Variants in CTNNA2 observed in about 807,000 individuals in gnomAD.
CTNNA2 encodes the protein catenin alpha-2.
A neutral mutation model predicts 101.0 loss-of-function variants in CTNNA2; 42 were observed. That is an observed-to-expected ratio of 0.42 (90% confidence interval 0.32 to 0.54). The LOEUF is 0.54. Among genes scored for constraint, CTNNA2 ranks in the 20% least tolerant of loss-of-function variants. The pLI is 0.14. For synonymous variants in CTNNA2, 450 were observed against 456.4 expected (o/e 0.99, Z 0.18); for missense variants, 871 against 1,223.1 (o/e 0.71, Z 4.29).
At chr2:80,521,593 T>C (rs566397601) in intron 9 of CTNNA2, among the ~76,000 whole-genome samples, 4 of 152,016 alleles carry the variant, frequency 2.6e-5, no homozygotes, top group African/African-American at 7.2e-5. Flanking sequence ...AGAGTTAGAG[T>C]GATGCAAGGA....
chr2:79,743,484 C>A (rs1671435056), intron 2 of CTNNA2, among the ~76,000 whole-genome samples: 1 of 151,582 alleles, frequency 6.6e-6, no homozygotes, highest in Admixed American at 6.6e-5. Flanking sequence ...AACATTGAGT[C>A]TGAATCATTT....
intron 1 of CTNNA2, among the ~76,000 whole-genome samples, chr2:79,531,538 C>T (rs1672743044): frequency 6.6e-6 from 1 of 151,936 alleles, no homozygotes; most frequent in Non-Finnish European, 1.5e-5. Context: ...TGTTTTATGC[C>T]TGCAATAATA....
intron 7 of CTNNA2, among the ~76,000 whole-genome samples, chr2:80,372,230 G>C (rs924880824): frequency 4.6e-5 from 7 of 152,068 alleles, no homozygotes; most frequent in Admixed American, 4.6e-4. Context: ...ATGACTATAG[G>C]ATGGATGCTG....
At chr2:79,996,002 T>G (rs1249248081) in intron 7 of CTNNA2, among the ~76,000 whole-genome samples, 1 of 152,178 alleles carries the variant, frequency 6.6e-6, no homozygotes, top group African/African-American at 2.4e-5. Flanking sequence ...GATTTCTCTT[T>G]TGCAGGCTTA....
intron 1 of CTNNA2, among the ~76,000 whole-genome samples, chr2:79,529,331 CT>C (rs1558702184): frequency 6.6e-6 from 1 of 152,162 alleles, no homozygotes; most frequent in Non-Finnish European, 1.5e-5. Context: ...TATCACATGT[CT>C]TCTTGTGCGA....
chr2:80,276,399 T>C (rs1389186081), intron 7 of CTNNA2, among the ~76,000 whole-genome samples: 1 of 152,208 alleles, frequency 6.6e-6, no homozygotes, highest in Non-Finnish European at 1.5e-5. Flanking sequence ...CTCAATAGTA[T>C]GGACTGTAAC....
At chr2:80,140,032 CTT>C (rs1702913627) in intron 7 of CTNNA2, among the ~76,000 whole-genome samples, 1 of 152,124 alleles carries the variant, frequency 6.6e-6, no homozygotes, top group Non-Finnish European at 1.5e-5. Flanking sequence ...GAACTAGAAT[CTT>C]TACATTTAAG....
At chr2:79,524,678 G>A (rs949879030) in intron 1 of CTNNA2, 4 of 151,832 alleles carry the variant, frequency 2.6e-5, no homozygotes, top group Non-Finnish European at 5.9e-5. Context: ...ATGAGACACT[G>A]TTCAGATTGG....
At chr2:79,280,656 T>TGTGTGTGTGTGAGAGA (rs1337075035) in intron 2 of CTNNA2, among the ~76,000 whole-genome samples, 8 of 96,748 alleles carry the variant, frequency 8.3e-5, no homozygotes, top group African/African-American at 1.7e-4. Context: ...TGTGTGTGTG[T>TGTGTGTGTGTGAGAGA]AAGAGAAAGA....
At position 80,408,796 on chromosome 2, in the gene CTNNA2, G is replaced by A. The variant is rs536649974; in HGVS notation, c.1138-10653G>A. 4.6e-5 allele frequency among the ~76,000 whole-genome samples: 7 copies of A among 152,268 alleles called. No individual in the cohort carries two copies. In the South Asian group the frequency reaches 1.4e-3, roughly 32 times the overall value. ...CAGTTAGGATTTGTGAACTTCAACA[G>A]CCAGGTCCATAAACACATAGATCTT... On this transcript the variant is annotated intron_variant, in intron 8 of 18. Coordinates refer to ENST00000402739, the MANE Select transcript of CTNNA2 (RefSeq NM_001282597.3).
At chr2:79,806,247 T>G (rs185891520) in intron 3 of CTNNA2, among the ~76,000 whole-genome samples, 501 of 152,146 alleles carry the variant, frequency 3.3e-3, no homozygotes, top group Middle Eastern at 0.02. Context: ...ATAGACATTT[T>G]ATAGTTACCA....
intron 2 of CTNNA2, among the ~76,000 whole-genome samples, chr2:79,288,056 C>T (rs1675668486): frequency 6.6e-6 from 1 of 152,222 alleles, no homozygotes; most frequent in South Asian, 2.1e-4. Context: ...AAGGGAACTC[C>T]CTGACCCCTT....
chr2:79,389,502 T>G (rs1678143016), intron 4 of CTNNA2, among the ~76,000 whole-genome samples: 1 of 152,204 alleles, frequency 6.6e-6, no homozygotes, highest in Non-Finnish European at 1.5e-5. Context: ...AATTTAAAAA[T>G]ATTTGTGCCG....
intron 9 of CTNNA2, among the ~76,000 whole-genome samples, chr2:80,467,381 T>C (rs543940597): frequency 6.6e-6 from 1 of 152,218 alleles, no homozygotes; most frequent in Non-Finnish European, 1.5e-5. Context: ...CTTTCAATAA[T>C]GTACCAGTCT....
chr2:80,037,662 G>A (rs931709881), intron 7 of CTNNA2, among the ~76,000 whole-genome samples: 4 of 152,098 alleles, frequency 2.6e-5, no homozygotes, highest in South Asian at 2.1e-4. Flanking sequence ...TTGCTGTGAC[G>A]ATTAAATGAG....
chr2:79,332,323 G>A (rs1306200696), intron 3 of CTNNA2, among the ~76,000 whole-genome samples: 1 of 151,118 alleles, frequency 6.6e-6, no homozygotes, highest in Non-Finnish European at 1.5e-5. Flanking sequence ...AAAGACGATG[G>A]CCAACACTTC....
chr2:80,306,433 T>TTTCC (rs1333107713), intron 7 of CTNNA2, among the ~76,000 whole-genome samples: 1 of 148,084 alleles, frequency 6.8e-6, no homozygotes, highest in Admixed American at 6.9e-5. Context: ...TCTTTCTTTC[T>TTTCC]TTCTTTCTTT....
chr2:80,174,529 G>T (rs1393545644), intron 7 of CTNNA2, among the ~76,000 whole-genome samples: 3 of 152,030 alleles, frequency 2.0e-5, no homozygotes, highest in Non-Finnish European at 4.4e-5. Context: ...CTTGCCCATG[G>T]CTTTCATTAC....
chr2:79,557,429 T>C (rs1278325455), intron 1 of CTNNA2, among the ~76,000 whole-genome samples: 1 of 151,898 alleles, frequency 6.6e-6, no homozygotes, highest in Non-Finnish European at 1.5e-5. Flanking sequence ...GAGATGCCCA[T>C]TTGAAAATTA....
Sources: gnomAD v4.1 joint callset for allele counts (sites outside exome capture counted in the v4.1 genomes callset) on GRCh38, gnomAD v4.1.1 for gene constraint, MANE v1.5 for transcripts, NCBI Gene and HGNC (gene_info 2026-07-23, HGNC 2026-07-21) for gene names.